The following NBAS variants were observed in gnomAD, a reference collection of about 807,000 sequenced individuals.
NBAS encodes NBAS subunit of NRZ tethering complex, also known as NAG/BC035112 fusion.
NBAS carries 219 observed loss-of-function variants against 302.5 expected under a neutral mutation model. That is an observed-to-expected ratio of 0.72 (90% CI 0.65 to 0.81). The LOEUF is 0.81. Among genes scored for constraint, NBAS ranks in the 30% least tolerant of loss-of-function variants. NBAS has a pLI of 0.00. For synonymous variants in NBAS, 1,118 were observed against 1,021.6 expected (o/e 1.09, Z -1.80); for missense variants, 2,932 against 2,841.6 (o/e 1.03, Z -0.72).
At chr2:15,009,984 C>T in the NBAS span, among the ~76,000 whole-genome samples, 14 of 152,170 alleles carry the variant, frequency 9.2e-5, no homozygotes, top group East Asian at 1.9e-4. Flanking sequence ...ACAAACAAAT[C>T]GCCTCATGGG....
chr2:15,130,348 T>G, the NBAS span, among the ~76,000 whole-genome samples: 62 of 152,340 alleles, frequency 4.1e-4, no homozygotes, highest in Non-Finnish European at 7.1e-4. Flanking sequence ...ATTATTAATA[T>G]TTTTCTCTGG....
the NBAS span, among the ~76,000 whole-genome samples, chr2:15,064,394 AT>A: frequency 6.6e-6 from 1 of 152,088 alleles, no homozygotes; most frequent in Admixed American, 6.5e-5. Context: ...ACAATTAAAC[AT>A]CAACAAATTA....
chr2:14,964,331 C>A, the NBAS span, among the ~76,000 whole-genome samples: 2 of 152,052 alleles, frequency 1.3e-5, no homozygotes, highest in African/African-American at 4.8e-5. Flanking sequence ...AGATTCAAAT[C>A]AAATTTTTGA....
the NBAS span, among the ~76,000 whole-genome samples, chr2:14,911,073 C>T: frequency 6.6e-6 from 1 of 152,230 alleles, no homozygotes; most frequent in East Asian, 1.9e-4. Flanking sequence ...AAACTTGTCT[C>T]TCTGTTCCTT....
At chr2:14,874,521 T>C in the NBAS span, among the ~76,000 whole-genome samples, 1 of 150,112 alleles carries the variant, frequency 6.7e-6, no homozygotes, top group Non-Finnish European at 1.5e-5. Context: ...GCGCCTGTAG[T>C]CCCAGCTACT....
intron 21 of NBAS, among the ~76,000 whole-genome samples, chr2:15,444,223 T>G (rs1678600803): frequency 6.6e-6 from 1 of 152,108 alleles, no homozygotes; most frequent in African/African-American, 2.4e-5. Context: ...AGAACAGAGC[T>G]GGAGGCATCA....
At chr2:14,847,382 T>TAAAAAAAAAAAAAAAAAAAAAA in the NBAS span, among the ~76,000 whole-genome samples, 2 of 53,166 alleles carry the variant, frequency 3.8e-5, no homozygotes, top group African/African-American at 6.7e-5. Context: ...GACTCTATCT[T>TAAAAAAAAAAAAAAAAAAAAAA]AAAAAAAAAA....
intron 48 of NBAS, among the ~76,000 whole-genome samples, chr2:15,205,245 C>T (rs1401278206): frequency 6.6e-6 from 1 of 151,794 alleles, no homozygotes; most frequent in Non-Finnish European, 1.5e-5. Context: ...AATCAAAAAA[C>T]ATACAACAGA....
At chr2:15,442,934 T>C (rs1042920076) in intron 21 of NBAS, among the ~76,000 whole-genome samples, 2 of 151,972 alleles carry the variant, frequency 1.3e-5, no homozygotes, top group African/African-American at 2.4e-5. Flanking sequence ...ACACATACAC[T>C]CTCCCAACAC....
At chr2:14,949,200 G>A in the NBAS span, among the ~76,000 whole-genome samples, 1 of 151,996 alleles carries the variant, frequency 6.6e-6, no homozygotes, top group Non-Finnish European at 1.5e-5. Context: ...TTTTGTGTAA[G>A]ATCTCAAAAG....
chr2:15,320,692 G>A (rs1213866381), intron 38 of NBAS, among the ~76,000 whole-genome samples: 2 of 152,070 alleles, frequency 1.3e-5, no homozygotes, highest in South Asian at 2.1e-4. Flanking sequence ...AATTTACAAG[G>A]GATGTGAAGG....
At position 15,429,684 on chromosome 2, in the gene NBAS, T is replaced by G. The variant is rs77556418; in HGVS notation, c.2340-1890A>C. On this transcript the variant is annotated intron_variant, in intron 21 of 51. Coordinates refer to ENST00000281513, the MANE Select transcript of NBAS (RefSeq NM_015909.4). The stretch of plus-strand genomic sequence containing the variant: ...TCTAGATTACAAAATAAGAAGTTTA[T>G]TATATCGTGTATCTAAAACACAGAT... Among the ~76,000 whole-genome samples the G allele has an allele frequency of 7.7e-3, 1,173 of 152,288 alleles. 19 individuals carry two copies. Among genetic ancestry groups the G allele is most frequent in the East Asian group, 0.061 (314 of 5,176 alleles).
the NBAS span, among the ~76,000 whole-genome samples, chr2:14,869,034 A>T: frequency 2.0e-5 from 3 of 152,180 alleles, no homozygotes; most frequent in Non-Finnish European, 4.4e-5. Context: ...GAATGAAGTC[A>T]ACTCACAGCT....
intron 44 of NBAS, among the ~76,000 whole-genome samples, chr2:15,254,364 T>A (rs895850243): frequency 6.6e-6 from 1 of 152,176 alleles, no homozygotes; most frequent in Non-Finnish European, 1.5e-5. Context: ...ATTTCCAGCA[T>A]GGCACGGCTG....
rs1680159522 is a variant in NBAS at position 15,475,705 on chromosome 2, C to T, written c.1323G>A (p.Gly441=). 1 of 1,613,976 alleles carries T rather than the reference C, an allele frequency of 6.2e-7. No individual in the cohort carries two copies. The highest frequency in any genetic ancestry group is 1.1e-5 in the South Asian group (1 of 91,084). Residue 441 remains glycine (G), a synonymous_variant, in exon 14 of 52, where the codon GGG becomes GGA. Coordinates refer to ENST00000281513, the MANE Select transcript of NBAS (RefSeq NM_015909.4). ...GCCTTACCTCCAAACTTAAAAATCC[C>T]CCATCATGGGTAGCAGTGACTTGAG... ...PSPQVTATHD[G]GFLSLECEIK...
chr2:15,433,323 G>C (rs6728340), intron 21 of NBAS, among the ~76,000 whole-genome samples: 8,039 of 152,106 alleles, frequency 0.053, 676 homozygotes, highest in African/African-American at 0.17. Flanking sequence ...AGCTCATTTG[G>C]ATTAGGAGAA....
At chr2:14,838,609 A>G in the NBAS span, among the ~76,000 whole-genome samples, 77,078 of 151,784 alleles carry the variant, frequency 0.51, 20,291 homozygotes, top group African/African-American at 0.65. Context: ...CTGTTGATGT[A>G]TGCTGTGATT....
Position 15,454,728 on chromosome 2 carries a change from A to G in NBAS, c.2339+6473T>C, listed in dbSNP as rs201997417. 6.6e-5 allele frequency among the ~76,000 whole-genome samples: 10 copies of G among 151,956 alleles called. No individual in the cohort carries two copies. The East Asian group carries it at 1.7e-3, about 26-fold the overall frequency. On this transcript the variant is annotated intron_variant, in intron 21 of 51. Coordinates refer to ENST00000281513, the MANE Select transcript of NBAS (RefSeq NM_015909.4). ...ACTCCCATCCACAGCTGGTGTTATA[A>G]CTCTCCATCAAATTTCTGATCACCC...
At chr2:15,432,069 G>A (rs1403475203) in intron 21 of NBAS, among the ~76,000 whole-genome samples, 1 of 151,182 alleles carries the variant, frequency 6.6e-6, no homozygotes, top group Non-Finnish European at 1.5e-5. Flanking sequence ...TACTAAATGG[G>A]TTAGGCAAAA....
Sources: allele counts gnomAD v4.1 joint callset (sites outside exome capture counted in the v4.1 genomes callset), GRCh38; gene constraint gnomAD v4.1.1; transcripts MANE v1.5; gene names NCBI Gene and HGNC (gene_info 2026-07-23, HGNC 2026-07-21).